MAP3K15: variants seen among roughly 807,000 people sequenced by gnomAD.
MAP3K15 encodes the protein MAPK/ERK kinase kinase 15.
Under a neutral mutation model 99.5 loss-of-function variants are expected in MAP3K15, and 124 were observed. The ratio of observed to expected loss-of-function variants is 1.25; its 90% CI spans 1.08 to 1.45. The LOEUF is 1.45. MAP3K15 is among the 40% of genes most tolerant of loss of function. The probability of loss-of-function intolerance (pLI) is 0.00; values close to 1 mark genes in which losing one functional copy is unlikely to be tolerated. For synonymous variants in MAP3K15, 494 were observed against 439.6 expected (o/e 1.12, Z -1.55); for missense variants, 1,242 against 1,079.7 (o/e 1.15, Z -2.11).
At chrX:19,382,062 T>G (rs1447243481) in intron 18 of MAP3K15, among the ~76,000 whole-genome samples, 1 of 110,526 alleles carries the variant, frequency 9.0e-6, no homozygotes, top group Non-Finnish European at 1.9e-5. Context: ...CTGGCCAACA[T>G]GGCGAAACCC....
At chrX:19,463,902 A>T (rs755886474) in intron 4 of MAP3K15, among the ~76,000 whole-genome samples, 13 of 100,102 alleles carry the variant, frequency 1.3e-4, no homozygotes, top group African/African-American at 4.7e-4. Flanking sequence ...AGAGATCGTT[A>T]AAAAAAAAAA....
chrX:19,415,316 G>A (rs1426509145), intron 9 of MAP3K15, 59 bp from the exon 10 acceptor site: 3 of 1,029,312 alleles, frequency 2.9e-6, no homozygotes, highest in Admixed American at 7.3e-5. Context: ...TTCAATTCAA[G>A]TCCCTTTAAA....
At chrX:19,434,956 T>A (rs751673513) in intron 6 of MAP3K15, among the ~76,000 whole-genome samples, 2 of 112,242 alleles carry the variant, frequency 1.8e-5, no homozygotes, top group African/African-American at 6.5e-5. Context: ...TCTTTCCTCT[T>A]TTTGTCATAT....
intron 19 of MAP3K15, among the ~76,000 whole-genome samples, chrX:19,377,814 G>C (rs1021998980): frequency 8.9e-6 from 1 of 112,226 alleles, no homozygotes; most frequent in Non-Finnish European, 1.9e-5. Context: ...CACCGCACAC[G>C]GTCAAAGTGC....
chrX:19,495,586 G>A (rs1199343389), intron 1 of MAP3K15, among the ~76,000 whole-genome samples: 1 of 110,818 alleles, frequency 9.0e-6, no homozygotes, highest in Non-Finnish European at 1.9e-5. Flanking sequence ...TGATTGAGAT[G>A]TGTCTACTAC....
chrX:19,425,788 T>C (rs1201180772), intron 8 of MAP3K15, 98 bp from the exon 9 acceptor site: 1 of 819,452 alleles, frequency 1.2e-6, no homozygotes, highest in African/African-American at 2.1e-5. Context: ...GTCTCAGGTG[T>C]GCTATAGGAA....
At chrX:19,419,301 G>A (rs1159451709) in intron 9 of MAP3K15, among the ~76,000 whole-genome samples, 25 of 110,329 alleles carry the variant, frequency 2.3e-4, no homozygotes, top group East Asian at 8.5e-4. Flanking sequence ...CCCATCTCAC[G>A]TGCAGAGACA....
chrX:19,500,771 T>C (rs185966021), intron 1 of MAP3K15, among the ~76,000 whole-genome samples: 71 of 112,496 alleles, frequency 6.3e-4, no homozygotes, highest in African/African-American at 2.0e-3. Context: ...GCCAGATACA[T>C]AGAAGACTTT....
intron 19 of MAP3K15, among the ~76,000 whole-genome samples, chrX:19,378,246 T>C (rs920594555): frequency 8.9e-6 from 1 of 112,584 alleles, no homozygotes; most frequent in African/African-American, 3.2e-5. Context: ...CAATGGCCAT[T>C]TGGCCTTTTG....
At chrX:19,387,072 T>C (rs1266929201) in intron 18 of MAP3K15, among the ~76,000 whole-genome samples, 1 of 112,185 alleles carries the variant, frequency 8.9e-6, no homozygotes, top group Non-Finnish European at 1.9e-5. Flanking sequence ...TCCAGGGGAC[T>C]ACCCTAGTTG....
chrX:19,455,453 G>A (rs1339508861), intron 6 of MAP3K15, among the ~76,000 whole-genome samples: 2 of 99,758 alleles, frequency 2.0e-5, no homozygotes, highest in Non-Finnish European at 4.0e-5. Flanking sequence ...CAAGCAAGCC[G>A]CCTACCTTAG....
At chrX:19,398,129 T>C in intron 15 of MAP3K15, 97 bp downstream of exon 15, 1 of 957,087 alleles carries the variant, frequency 1.0e-6, no homozygotes, top group Non-Finnish European at 1.4e-6. Context: ...GGTAACACAA[T>C]GCTTTTGCCC....
intron 3 of MAP3K15, among the ~76,000 whole-genome samples, chrX:19,468,580 G>A (rs73631337): frequency 0.094 from 10,500 of 111,457 alleles, 993 homozygotes; most frequent in African/African-American, 0.28. Flanking sequence ...ATAACTGTGC[G>A]CATGCCCAAG....
intron 6 of MAP3K15, among the ~76,000 whole-genome samples, chrX:19,445,482 C>CG (rs767491709): frequency 6.7e-5 from 7 of 104,915 alleles, no homozygotes; most frequent in South Asian, 4.5e-4. Flanking sequence ...TTCAGCTACT[C>CG]GGGGGGCTGA....
intron 5 of MAP3K15, among the ~76,000 whole-genome samples, chrX:19,459,275 C>T (rs1353715150): frequency 3.6e-5 from 4 of 111,972 alleles, no homozygotes; most frequent in Non-Finnish European, 7.5e-5. Context: ...TCAGTTTCCT[C>T]ATGTGTAAAA....
At chrX:19,466,392 C>T (rs1394611415) in intron 3 of MAP3K15, among the ~76,000 whole-genome samples, 2 of 111,321 alleles carry the variant, frequency 1.8e-5, no homozygotes, top group East Asian at 2.8e-4. Flanking sequence ...TCATCAGGGG[C>T]GGTTTCTCCC....
In MAP3K15 at chrX:19,425,722, A is replaced by T. The variant is rs1357345913; in HGVS notation, c.1280-32T>A. The stretch of plus-strand genomic sequence containing the variant: ...AATTTGAATTTTTGATAGTCAGAAT[A>T]ATCTTTTTTAGTTTCTGTCATACTG... On this transcript the variant is annotated intron_variant, in intron 8 of 28. Transcript: ENST00000338883. 5 of 1,154,084 alleles carry T rather than the reference A, an allele frequency of 4.3e-6. No homozygotes were observed. In the East Asian group the frequency reaches 1.5e-4, roughly 35 times the overall value.
At chrX:19,371,577 G>A (rs561406961) in intron 22 of MAP3K15, 47 bp from the exon 23 acceptor site, 52 of 1,111,753 alleles carry the variant, frequency 4.7e-5, no homozygotes, top group South Asian at 4.6e-4. Flanking sequence ...TTGAGAGAGC[G>A]AGAGTTCAGA....
intron 9 of MAP3K15, among the ~76,000 whole-genome samples, chrX:19,419,952 C>T (rs1463235873): frequency 5.4e-5 from 6 of 111,621 alleles, no homozygotes; most frequent in Admixed American, 4.8e-4. Flanking sequence ...GGGTACATAA[C>T]GAAATGAAGG....
Sources: gnomAD v4.1 joint callset for allele counts (sites outside exome capture counted in the v4.1 genomes callset) on GRCh38, gnomAD v4.1.1 for gene constraint, MANE v1.5 for transcripts, NCBI Gene and HGNC (gene_info 2026-07-23, HGNC 2026-07-21) for gene names.